The following MNAT1 variants were observed in gnomAD, a reference collection of about 807,000 sequenced individuals.
The protein encoded by MNAT1 is MNAT1 component of CDK activating kinase.
Under a neutral mutation model 42.0 loss-of-function variants are expected in MNAT1, and 43 were observed. That is an observed-to-expected ratio of 1.02 (90% CI 0.80 to 1.32). The LOEUF is 1.32. MNAT1 is among the 40% of genes most tolerant of loss of function. The probability of loss-of-function intolerance (pLI) is 0.00; values close to 1 mark genes in which losing one functional copy is unlikely to be tolerated. For synonymous variants in MNAT1, 118 were observed against 120.0 expected, an observed-to-expected ratio of 0.98 and a Z score of 0.11; for missense variants, 306 against 350.4, an observed-to-expected ratio of 0.87 and a Z score of 1.01.
At chr14:60,779,158 C>G (rs2031355316) in intron 1 of MNAT1, among the ~76,000 whole-genome samples, 1 of 152,188 alleles carries the variant, frequency 6.6e-6, no homozygotes, top group South Asian at 2.1e-4. Flanking sequence ...TGATCATTAT[C>G]ACGGTATGGA....
At chr14:60,941,792 C>G (rs1207074350) in intron 7 of MNAT1, among the ~76,000 whole-genome samples, 1 of 150,742 alleles carries the variant, frequency 6.6e-6, no homozygotes, top group Non-Finnish European at 1.5e-5. Context: ...ATCATGAGGT[C>G]AGGAGATGGA....
chr14:60,939,808 A>T lies in MNAT1; in HGVS notation c.810-28421A>T, dbSNP rs573580486. On this transcript the variant is annotated intron_variant, in intron 7 of 7. Transcript: ENST00000261245. ...GCCTTGTTAACTTTCTGTCTCGTTG[A>T]TCTGTCTAACGTTGAGAGTGGGGTG... 2.0e-5 allele frequency among the ~76,000 whole-genome samples: 3 copies of T among 152,198 alleles called. No homozygotes were observed. The South Asian group carries it at 6.2e-4, about 32-fold the overall frequency.
chr14:60,853,162 T>C (rs1284759319), intron 6 of MNAT1, among the ~76,000 whole-genome samples: 2 of 152,212 alleles, frequency 1.3e-5, no homozygotes, highest in Non-Finnish European at 2.9e-5. Flanking sequence ...TGATATTGAC[T>C]CTTCCTATCC....
Position 60,833,144 on chromosome 14 carries a change from C to G in MNAT1, c.687+14297C>G, listed in dbSNP as rs369074624. Reference sequence around the variant, plus strand: ...GCAAACAGAGACAATTTGACTTCCTCTCTTCCTCTTTGAATACTCTTTATT... The same window carrying G: ...GCAAACAGAGACAATTTGACTTCCTGTCTTCCTCTTTGAATACTCTTTATT... On this transcript the variant is annotated intron_variant, in intron 6 of 7. Coordinates refer to ENST00000261245, the MANE Select transcript of MNAT1 (RefSeq NM_002431.4). Among the ~76,000 whole-genome samples, 122 of 152,274 alleles carry G rather than the reference C, an allele frequency of 8.0e-4. 1 individual carries two copies. In the East Asian group the frequency reaches 0.012, roughly 15 times the overall value.
chr14:60,924,072 A>G (rs187604187), intron 7 of MNAT1, among the ~76,000 whole-genome samples: 84 of 152,346 alleles, frequency 5.5e-4, no homozygotes, highest in East Asian at 5.0e-3. Flanking sequence ...TTTAAAAAGT[A>G]AAACAAAAAG....
chr14:60,749,687 A>G (rs945764877), intron 1 of MNAT1, among the ~76,000 whole-genome samples: 1 of 152,194 alleles, frequency 6.6e-6, no homozygotes, highest in African/African-American at 2.4e-5. Context: ...AGTTATTTTC[A>G]GTAGTCTATG....
intron 7 of MNAT1, among the ~76,000 whole-genome samples, chr14:60,907,817 C>T (rs1255018890): frequency 1.4e-5 from 2 of 139,284 alleles, no homozygotes; most frequent in African/African-American, 2.6e-5. Context: ...TTGCTAGAAT[C>T]AATTTTAATG....
chr14:60,873,044 A>G (rs1158410044), intron 6 of MNAT1, among the ~76,000 whole-genome samples: 1 of 152,164 alleles, frequency 6.6e-6, no homozygotes, highest in African/African-American at 2.4e-5. Flanking sequence ...GAAATTCTCT[A>G]ATATAGCTTA....
chr14:60,807,814 C>T (rs1422872899), intron 3 of MNAT1, among the ~76,000 whole-genome samples: 2 of 151,804 alleles, frequency 1.3e-5, no homozygotes, highest in African/African-American at 4.8e-5. Flanking sequence ...TTATTTCATA[C>T]GTTTCTAGAG....
chr14:60,876,764 A>G (rs1330619798), intron 6 of MNAT1, among the ~76,000 whole-genome samples: 1 of 152,012 alleles, frequency 6.6e-6, no homozygotes, highest in Non-Finnish European at 1.5e-5. Flanking sequence ...CTTCCTTTCA[A>G]AGACTGAATA....
chr14:60,886,230 G>T (rs2034666842), intron 7 of MNAT1, among the ~76,000 whole-genome samples: 1 of 151,636 alleles, frequency 6.6e-6, no homozygotes, highest in Non-Finnish European at 1.5e-5. Context: ...GTTTTTTGTG[G>T]GTATTTTGTG....
At chr14:60,824,762 A>G (rs1321991929) in intron 6 of MNAT1, among the ~76,000 whole-genome samples, 2 of 152,190 alleles carry the variant, frequency 1.3e-5, no homozygotes, top group Non-Finnish European at 2.9e-5. Flanking sequence ...TATGCTAGCC[A>G]TGTGGTAAAT....
intron 6 of MNAT1, among the ~76,000 whole-genome samples, chr14:60,836,624 G>A (rs2033396026): frequency 1.3e-5 from 2 of 152,180 alleles, no homozygotes; most frequent in African/African-American, 4.8e-5. Context: ...TCGTCCCAGA[G>A]GGGCACTGGC....
At chr14:60,758,267 C>A (rs1226982053) in intron 1 of MNAT1, among the ~76,000 whole-genome samples, 1 of 151,246 alleles carries the variant, frequency 6.6e-6, no homozygotes, top group South Asian at 2.1e-4. Flanking sequence ...AGTGCAGTGG[C>A]AAGATCATGG....
chr14:60,769,688 C>T (rs1029273782), intron 1 of MNAT1, among the ~76,000 whole-genome samples: 1 of 152,062 alleles, frequency 6.6e-6, no homozygotes, highest in East Asian at 1.9e-4. Context: ...CAGGGCCTTA[C>T]TCCGTTGCCC....
intron 6 of MNAT1, among the ~76,000 whole-genome samples, chr14:60,879,214 C>CATAG (rs1373078660): frequency 6.6e-6 from 1 of 152,018 alleles, no homozygotes. Flanking sequence ...CAGTCTTCAC[C>CATAG]ATAGATGTTT....
intron 1 of MNAT1, among the ~76,000 whole-genome samples, chr14:60,735,702 G>A (rs192283160): frequency 4.7e-4 from 71 of 152,280 alleles, no homozygotes; most frequent in Non-Finnish European, 8.2e-4. Flanking sequence ...ACTTTAGAAC[G>A]CCCATTTTCA....
intron 6 of MNAT1, among the ~76,000 whole-genome samples, chr14:60,828,516 T>C (rs1472996357): frequency 2.0e-5 from 3 of 152,070 alleles, no homozygotes; most frequent in Non-Finnish European, 2.9e-5. Flanking sequence ...CAGAACACTT[T>C]TGGTCACCAA....
chr14:60,952,587 T>A (rs2036403516), intron 7 of MNAT1, among the ~76,000 whole-genome samples: 2 of 152,156 alleles, frequency 1.3e-5, no homozygotes, highest in Admixed American at 6.5e-5. Flanking sequence ...CATTCCAAGA[T>A]GACCCCAGTG....
Sources: allele counts gnomAD v4.1 joint callset (sites outside exome capture counted in the v4.1 genomes callset), GRCh38; gene constraint gnomAD v4.1.1; transcripts MANE v1.5; gene names NCBI Gene and HGNC (gene_info 2026-07-23, HGNC 2026-07-21).